Variants in LSAMP observed in about 807,000 individuals in gnomAD.
LSAMP encodes limbic system-associated membrane protein.
A neutral mutation model predicts 38.6 loss-of-function variants in LSAMP; 7 were observed. The observed-to-expected ratio is 0.18, with a 90% confidence interval of 0.10 to 0.34. The LOEUF (loss-of-function observed/expected upper bound fraction) is 0.34, where lower values mean the gene tolerates loss of function less well. Ranked by LOEUF, LSAMP falls within the 10% of genes least tolerant of loss-of-function variation. The pLI, the probability that LSAMP is intolerant of heterozygous loss-of-function variation, is 1.00. For synonymous variants in LSAMP, 154 were observed against 166.8 expected (o/e 0.92, Z 0.59); for missense variants, 313 against 420.0 (o/e 0.75, Z 2.23).
At chr3:116,075,833 G>T (rs1369009409) in intron 2 of LSAMP, among the ~76,000 whole-genome samples, 1 of 152,096 alleles carries the variant, frequency 6.6e-6, no homozygotes, top group African/African-American at 2.4e-5. Flanking sequence ...GAGCCACCGT[G>T]TCCAGCCTCT....
At chr3:116,119,304 C>A (rs1278120740) in intron 1 of LSAMP, among the ~76,000 whole-genome samples, 1 of 151,306 alleles carries the variant, frequency 6.6e-6, no homozygotes, top group East Asian at 1.9e-4. Flanking sequence ...TGTTAGATAG[C>A]CATAAGATTG....
chr3:116,002,827 C>A (rs1277490914), intron 3 of LSAMP, among the ~76,000 whole-genome samples: 2 of 152,068 alleles, frequency 1.3e-5, no homozygotes, highest in African/African-American at 4.8e-5. Flanking sequence ...TTCATAAGCC[C>A]TGATATTTGC....
At chr3:115,947,446 A>T (rs1938136242) in intron 3 of LSAMP, among the ~76,000 whole-genome samples, 1 of 152,138 alleles carries the variant, frequency 6.6e-6, no homozygotes, top group Admixed American at 6.6e-5. Flanking sequence ...ACACACTATG[A>T]ATCTCATTCA....
At chr3:115,892,747 A>G (rs1241610399) in intron 3 of LSAMP, among the ~76,000 whole-genome samples, 2 of 151,412 alleles carry the variant, frequency 1.3e-5, no homozygotes, top group Admixed American at 6.6e-5. Context: ...GGATATAGCT[A>G]TCATCAAAAT....
chr3:115,922,424 A>AAT (rs35783484), intron 3 of LSAMP, among the ~76,000 whole-genome samples: 19,490 of 151,940 alleles, frequency 0.13, 1,402 homozygotes, highest in East Asian at 0.2. Flanking sequence ...TTGGTTTTCA[A>AAT]ATATATATAT....
chr3:116,140,285 A>G (rs1367029374), intron 1 of LSAMP, among the ~76,000 whole-genome samples: 1 of 152,072 alleles, frequency 6.6e-6, no homozygotes, highest in Non-Finnish European at 1.5e-5. Flanking sequence ...CCACCAGGTG[A>G]CAGTGTTTCT....
chr3:116,368,759 G>A (rs1211638502), intron 1 of LSAMP, among the ~76,000 whole-genome samples: 1 of 152,138 alleles, frequency 6.6e-6, no homozygotes, highest in Non-Finnish European at 1.5e-5. Flanking sequence ...GTGACCAAAT[G>A]TTGTAATAAG....
chr3:116,222,958 TC>T (rs1474834780), intron 1 of LSAMP, among the ~76,000 whole-genome samples: 2 of 150,936 alleles, frequency 1.3e-5, no homozygotes, highest in African/African-American at 2.4e-5. Context: ...CAGGATGGTC[TC>T]GATCTCCTGA....
intron 3 of LSAMP, among the ~76,000 whole-genome samples, chr3:115,980,024 C>G (rs1939311754): frequency 6.6e-6 from 1 of 151,968 alleles, no homozygotes; most frequent in African/African-American, 2.4e-5. Flanking sequence ...TGTATTTGAA[C>G]TTCCAGTAAG....
chr3:115,806,117 C>T lies in LSAMP; in HGVS notation c.*4200G>A, dbSNP rs1454716600. 2.6e-5 allele frequency: 4 copies of T among 152,118 alleles called. No homozygotes were observed. The highest frequency in any genetic ancestry group is 4.1e-4 in the South Asian group (2 of 4,828). 9.4% of individuals were successfully genotyped at this position (152,118 alleles called of 1,614,324 possible). On this transcript the variant is annotated 3_prime_UTR_variant, in exon 7 of 7. Coordinates refer to ENST00000490035, the MANE Select transcript of LSAMP (RefSeq NM_002338.5). ...AGAAAAATGAGGACATGGTTAATCC[C>T]ATTAAACATAGTCTATAAGCAAATT...
intron 3 of LSAMP, among the ~76,000 whole-genome samples, chr3:115,969,262 A>G (rs963913060): frequency 1.3e-5 from 2 of 152,022 alleles, no homozygotes; most frequent in African/African-American, 4.8e-5. Context: ...GCCATTTTTC[A>G]CCACTTCCCC....
At chr3:116,113,068 G>C (rs778549105) in intron 1 of LSAMP, among the ~76,000 whole-genome samples, 9 of 151,908 alleles carry the variant, frequency 5.9e-5, no homozygotes, top group Non-Finnish European at 1.2e-4. Flanking sequence ...ATGAGGCAGA[G>C]AGAAGGATGC....
intron 1 of LSAMP, among the ~76,000 whole-genome samples, chr3:116,374,035 C>A (rs751188751): frequency 1.3e-5 from 2 of 151,862 alleles, no homozygotes; most frequent in Non-Finnish European, 2.9e-5. Flanking sequence ...TCAGGGTCCT[C>A]CATGTAATGT....
intron 6 of LSAMP, among the ~76,000 whole-genome samples, chr3:115,815,139 C>CAG (rs547433540): frequency 1.6e-4 from 24 of 151,464 alleles, no homozygotes; most frequent in South Asian, 2.1e-4. Flanking sequence ...ATAAGATGTT[C>CAG]AGAGAGAGAG....
At chr3:116,028,274 A>G (rs566584225) in intron 2 of LSAMP, among the ~76,000 whole-genome samples, 1 of 152,268 alleles carries the variant, frequency 6.6e-6, no homozygotes, top group Admixed American at 6.5e-5. Context: ...TTTGTTTCTG[A>G]AAATGCCACT....
intron 1 of LSAMP, among the ~76,000 whole-genome samples, chr3:116,216,428 T>G (rs1477188540): frequency 6.6e-6 from 1 of 152,138 alleles, no homozygotes; most frequent in African/African-American, 2.4e-5. Flanking sequence ...AGTGTACATC[T>G]TGTAATTGAT....
chr3:115,835,586 A>G (rs1390071483), intron 6 of LSAMP, among the ~76,000 whole-genome samples: 1 of 152,246 alleles, frequency 6.6e-6, no homozygotes, highest in East Asian at 1.9e-4. Flanking sequence ...ATAAAGACCA[A>G]TGAGAAATGA....
chr3:116,027,808 G>C (rs1258489631), intron 2 of LSAMP, among the ~76,000 whole-genome samples: 1 of 152,174 alleles, frequency 6.6e-6, no homozygotes, highest in African/African-American at 2.4e-5. Context: ...TCCAGAGTAG[G>C]AGAGAAAAGT....
chr3:116,001,451 C>CT (rs947242884), intron 3 of LSAMP, among the ~76,000 whole-genome samples: 1 of 152,192 alleles, frequency 6.6e-6, no homozygotes, highest in Non-Finnish European at 1.5e-5. Flanking sequence ...ATGAAGAACT[C>CT]TGAGGGGAAA....
Sources: gnomAD v4.1 joint callset for allele counts (sites outside exome capture counted in the v4.1 genomes callset) on GRCh38, gnomAD v4.1.1 for gene constraint, MANE v1.5 for transcripts, NCBI Gene and HGNC (gene_info 2026-07-23, HGNC 2026-07-21) for gene names.